The following SLC44A3 variants were observed in gnomAD, a reference collection of about 807,000 sequenced individuals.
SLC44A3 encodes the protein choline transporter-like protein 3.
A neutral mutation model predicts 75.4 loss-of-function variants in SLC44A3; 74 were observed. That is an observed-to-expected ratio of 0.98 (90% CI 0.81 to 1.19). SLC44A3 has a LOEUF of 1.19. Among genes scored for constraint, SLC44A3 ranks in the 50% most tolerant of loss-of-function variants. The pLI is 0.00. For missense variants in SLC44A3, 700 were observed against 778.6 expected (o/e 0.90, Z 1.20); for synonymous variants, 310 against 296.9 (o/e 1.04, Z -0.45).
chr1:94,890,720 G>A (rs1021309550), intron 12 of SLC44A3, among the ~76,000 whole-genome samples: 1 of 152,088 alleles, frequency 6.6e-6, no homozygotes, highest in African/African-American at 2.4e-5. Context: ...GGTGGCTCTC[G>A]CCTGTAATCC....
intron 12 of SLC44A3, among the ~76,000 whole-genome samples, chr1:94,880,386 G>A (rs2101603722): frequency 6.6e-6 from 1 of 152,282 alleles, no homozygotes; most frequent in Admixed American, 6.5e-5. Context: ...CCTGTCATAT[G>A]CTACAACATA....
At chr1:94,834,781 G>C (rs115503033) in intron 5 of SLC44A3, among the ~76,000 whole-genome samples, 3 of 152,144 alleles carry the variant, frequency 2.0e-5, no homozygotes, top group Non-Finnish European at 2.9e-5. Context: ...CACTGCTCCC[G>C]GTGAAAGGGA....
At position 94,891,214 on chromosome 1, in the gene SLC44A3, A is replaced by C. The variant is rs765698782; in HGVS notation, c.1567A>C (p.Ser523Arg). The C allele has an allele frequency of 6.2e-7, 1 of 1,613,604 alleles. No individual in the cohort carries two copies. The highest frequency in any genetic ancestry group is 1.1e-5 in the South Asian group (1 of 91,022). ...DAFKILSKNSSHFTSINCFGD... is the reference protein window; with the variant it reads ...DAFKILSKNSRHFTSINCFGD... ...ATTCAAAATCTTGTCCAAGAACTCA[A>C]GTCACTTTACATCTATTAACTGCTT... Residue 523 changes from serine (S) to arginine (R), a missense_variant, in exon 13 of 15, where the codon AGT becomes CGT. Transcript: ENST00000271227.
At chr1:94,850,540 A>T (rs559641610) in intron 9 of SLC44A3, among the ~76,000 whole-genome samples, 1 of 152,182 alleles carries the variant, frequency 6.6e-6, no homozygotes, top group Non-Finnish European at 1.5e-5. Context: ...TGTACTTGGG[A>T]TACACAAAGG....
intron 14 of SLC44A3, among the ~76,000 whole-genome samples, chr1:94,893,196 T>C (rs902673420): frequency 7.9e-5 from 12 of 152,258 alleles, no homozygotes; most frequent in Non-Finnish European, 2.9e-5. Flanking sequence ...GTCTGAGTTA[T>C]ATGATATTTG....
chr1:94,828,905 T>C (rs1254559496), intron 5 of SLC44A3, among the ~76,000 whole-genome samples: 1 of 152,148 alleles, frequency 6.6e-6, no homozygotes, highest in Non-Finnish European at 1.5e-5. Flanking sequence ...TATAAATTAG[T>C]GTGTATTTTT....
At chr1:94,885,224 CAAAAAA>C (rs60440950) in intron 12 of SLC44A3, among the ~76,000 whole-genome samples, 2 of 82,846 alleles carry the variant, frequency 2.4e-5, no homozygotes, top group Admixed American at 1.8e-4. Flanking sequence ...GACTCCCTCT[CAAAAAA>C]AAAAAAAAAA....
In SLC44A3 at chr1:94,851,902, T is replaced by C. The variant is rs189045564; in HGVS notation, c.1073-5433T>C. Among the ~76,000 whole-genome samples, 126 of 152,368 alleles carry C rather than the reference T, an allele frequency of 8.3e-4. 1 individual carries two copies. Among genetic ancestry groups the C allele is most frequent in the African/African-American group, 2.9e-3 (121 of 41,592 alleles). On this transcript the variant is annotated intron_variant, in intron 9 of 14. Transcript: ENST00000271227. Reference sequence around the variant, plus strand: ...GACTGCCTTCCATAAGGAACTGCCATCTATAACAATCATTATATCACCTTA... The same window carrying C: ...GACTGCCTTCCATAAGGAACTGCCACCTATAACAATCATTATATCACCTTA...
intron 1 of SLC44A3, 62 bp downstream of exon 1, chr1:94,820,540 C>T (rs1315259467): frequency 1.4e-6 from 2 of 1,457,316 alleles, no homozygotes; most frequent in Admixed American, 4.7e-5. Flanking sequence ...AGTCCCCCGC[C>T]TTCACGCACC....
chr1:94,865,148 G>A (rs1667011810), intron 11 of SLC44A3, among the ~76,000 whole-genome samples: 2 of 152,094 alleles, frequency 1.3e-5, no homozygotes, highest in South Asian at 4.1e-4. Flanking sequence ...GCGTGGGGAG[G>A]GAGTAGTTCT....
At chr1:94,863,539 A>G (rs1341652305) in intron 10 of SLC44A3, among the ~76,000 whole-genome samples, 2 of 152,222 alleles carry the variant, frequency 1.3e-5, no homozygotes, top group African/African-American at 4.8e-5. Flanking sequence ...CTTCCTTAAA[A>G]AAAAAGAAAA....
chr1:94,857,809 C>CTTTTTT (rs34204401), intron 10 of SLC44A3, among the ~76,000 whole-genome samples: 3 of 64,004 alleles, frequency 4.7e-5, no homozygotes, highest in East Asian at 5.2e-4. Flanking sequence ...ATGGAGTAGC[C>CTTTTTT]TTTTTTTTTT....
At chr1:94,820,820 T>A (rs1328151689) in intron 1 of SLC44A3, 129 bp from the exon 2 acceptor site, 2 of 1,300,764 alleles carry the variant, frequency 1.5e-6, no homozygotes, top group African/African-American at 3.0e-5. Flanking sequence ...CGTAAAAAAA[T>A]AATATTAATT....
At chr1:94,884,854 A>G (rs1669391882) in intron 12 of SLC44A3, among the ~76,000 whole-genome samples, 1 of 152,218 alleles carries the variant, frequency 6.6e-6, no homozygotes, top group African/African-American at 2.4e-5. Flanking sequence ...GTTCTTGGAT[A>G]GCTCTCACAG....
chr1:94,853,464 G>A (rs1180439366), intron 9 of SLC44A3, among the ~76,000 whole-genome samples: 1 of 152,158 alleles, frequency 6.6e-6, no homozygotes. Flanking sequence ...AGATAGTTGC[G>A]AATGATTCAA....
intron 10 of SLC44A3, among the ~76,000 whole-genome samples, chr1:94,862,279 C>A (rs1230255773): frequency 2.0e-5 from 3 of 152,164 alleles, no homozygotes; most frequent in African/African-American, 7.2e-5. Flanking sequence ...CCATGCAGCC[C>A]ACACCTAGTC....
intron 12 of SLC44A3, among the ~76,000 whole-genome samples, chr1:94,875,916 G>A (rs1668235232): frequency 6.6e-6 from 1 of 152,206 alleles, no homozygotes; most frequent in Admixed American, 6.5e-5. Flanking sequence ...GACTGCCCAG[G>A]TTTTTAACTT....
Position 94,857,405 on chromosome 1 carries a change from G to C in SLC44A3, c.1143G>C (p.Ser381=). 1 of 1,614,042 alleles carries C rather than the reference G, an allele frequency of 6.2e-7. No individual in the cohort carries two copies. Among genetic ancestry groups the C allele is most frequent in the Non-Finnish European group, 8.5e-7 (1 of 1,179,950 alleles). ...TTTCGGGCATTCGGTACATGTGGTCGTACCATTTAATTGGCCTCATCTGGA... is the reference window on the plus strand; with the variant it reads ...TTTCGGGCATTCGGTACATGTGGTCCTACCATTTAATTGGCCTCATCTGGA... ...KPLSGIRYMW[S]YHLIGLIWTS... Residue 381 remains serine, a synonymous_variant, in exon 10 of 15, where the codon TCG becomes TCC. Transcript: ENST00000271227.
intron 5 of SLC44A3, among the ~76,000 whole-genome samples, chr1:94,833,484 G>A (rs967661448): frequency 6.6e-6 from 1 of 152,136 alleles, no homozygotes; most frequent in South Asian, 2.1e-4. Context: ...TCTTAGACAC[G>A]ATCGGTGGCA....
Sources: allele counts gnomAD v4.1 joint callset (sites outside exome capture counted in the v4.1 genomes callset), GRCh38; gene constraint gnomAD v4.1.1; transcripts MANE v1.5; gene names NCBI Gene and HGNC (gene_info 2026-07-23, HGNC 2026-07-21).